The following CDK5RAP2 variants were observed in gnomAD, a reference collection of about 807,000 sequenced individuals.
CDK5RAP2 encodes the protein CDK5 regulatory subunit associated protein 2, also known as CDK5 regulatory subunit-associated protein 2.
CDK5RAP2 carries 147 observed loss-of-function variants against 232.9 expected under a neutral mutation model. That is an observed-to-expected ratio of 0.63 (90% CI 0.55 to 0.72). The LOEUF (loss-of-function observed/expected upper bound fraction) is 0.72. Among genes scored for constraint, CDK5RAP2 ranks in the 30% least tolerant of loss-of-function variants. The probability of loss-of-function intolerance (pLI) is 0.00; values close to 1 mark genes in which losing one functional copy is unlikely to be tolerated. For synonymous variants in CDK5RAP2, 833 were observed against 833.7 expected, an observed-to-expected ratio of 1.00 and a Z score of 0.01; for missense variants, 2,195 against 2,231.5, an observed-to-expected ratio of 0.98 and a Z score of 0.33.
rs373806149 is a variant in CDK5RAP2 at position 120,452,238 on chromosome 9, G to GTCTCTCTCTCTCTCTC, written c.2793+1202_2793+1217dup. On this transcript the variant is annotated intron_variant, in intron 21 of 37. Transcript: ENST00000349780. ...TTCTAGTACCGTTAATATAATGGCA[G>GTCTCTCTCTCTCTCTC]TCTCTCTCTCTCTCTCTCTCTCTCT... is the stretch of plus-strand genomic sequence containing the variant. Among the ~76,000 whole-genome samples the GTCTCTCTCTCTCTCTC allele has an allele frequency of 2.7e-3, 382 of 142,922 alleles. 3 individuals carry two copies. Among genetic ancestry groups the GTCTCTCTCTCTCTCTC allele is most frequent in the African/African-American group, 9.4e-3 (363 of 38,696 alleles). 93.8% of individuals were successfully genotyped at this position (142,922 alleles called of 152,430 possible).
intron 2 of CDK5RAP2, 52 bp from the exon 3 acceptor site, chr9:120,568,440 G>T: frequency 7.9e-7 from 1 of 1,261,738 alleles, no homozygotes; most frequent in Non-Finnish European, 1.2e-6. Context: ...ACTGCCCAGT[G>T]TTCCTATTGG....
intron 18 of CDK5RAP2, 56 bp from the exon 19 acceptor site, chr9:120,460,723 A>G (rs540513759): frequency 2.5e-5 from 40 of 1,611,538 alleles, no homozygotes; most frequent in Non-Finnish European, 3.2e-5. Flanking sequence ...TGCAGCATGA[A>G]TATGTATGAA....
chr9:120,450,577 G>A (rs2036430889), intron 21 of CDK5RAP2, among the ~76,000 whole-genome samples: 1 of 151,970 alleles, frequency 6.6e-6, no homozygotes, highest in African/African-American at 2.4e-5. Context: ...GAACCCAAGA[G>A]GAAAACAGAA....
chr9:120,543,232 T>C (rs1176992425), intron 5 of CDK5RAP2, among the ~76,000 whole-genome samples: 2 of 152,194 alleles, frequency 1.3e-5, no homozygotes, highest in East Asian at 3.8e-4. Flanking sequence ...CCTCAACCAC[T>C]GGACTAGCTT....
chr9:120,530,920 T>C (rs1174949778), intron 7 of CDK5RAP2, among the ~76,000 whole-genome samples: 2 of 149,978 alleles, frequency 1.3e-5, no homozygotes, highest in East Asian at 4.0e-4. Context: ...GACAAGTTAA[T>C]GGGTGCAGCA....
chr9:120,482,951 T>C (rs1379501340), intron 14 of CDK5RAP2, among the ~76,000 whole-genome samples: 1 of 152,120 alleles, frequency 6.6e-6, no homozygotes, highest in Non-Finnish European at 1.5e-5. Flanking sequence ...TAGAATGAAG[T>C]CATTTGGCTC....
chr9:120,501,221 C>G (rs2039560264), intron 12 of CDK5RAP2, among the ~76,000 whole-genome samples: 2 of 152,188 alleles, frequency 1.3e-5, no homozygotes, highest in South Asian at 4.1e-4. Context: ...CACACCAGGT[C>G]AGAGCCCTTA....
intron 4 of CDK5RAP2, among the ~76,000 whole-genome samples, chr9:120,546,499 C>T (rs1445921859): frequency 6.6e-6 from 1 of 152,208 alleles, no homozygotes; most frequent in Non-Finnish European, 1.5e-5. Context: ...ACTTCTCAAA[C>T]TTATCTACAA....
At chr9:120,399,781 T>C (rs986595243) in intron 35 of CDK5RAP2, among the ~76,000 whole-genome samples, 2 of 152,182 alleles carry the variant, frequency 1.3e-5, no homozygotes, top group Non-Finnish European at 2.9e-5. Flanking sequence ...AAAAAAGATT[T>C]TTCTATGGAA....
intron 12 of CDK5RAP2, among the ~76,000 whole-genome samples, chr9:120,507,030 G>T (rs539866807): frequency 2.6e-5 from 4 of 152,224 alleles, no homozygotes; most frequent in African/African-American, 7.2e-5. Flanking sequence ...GTTAATCAAC[G>T]TGGCAAACTT....
At chr9:120,404,418 C>G (rs180971748) in intron 32 of CDK5RAP2, among the ~76,000 whole-genome samples, 2 of 152,222 alleles carry the variant, frequency 1.3e-5, no homozygotes, top group Non-Finnish European at 2.9e-5. Context: ...GTGAGGGGCA[C>G]TACCCCCAAC....
chr9:120,491,365 T>C lies in CDK5RAP2; in HGVS notation c.1424A>G (p.Gln475Arg). The C allele has an allele frequency of 6.2e-7, 1 of 1,613,550 alleles. No individual in the cohort carries two copies. Among genetic ancestry groups the C allele is most frequent in the Non-Finnish European group, 8.5e-7 (1 of 1,179,630 alleles). The change falls in exon 13 of 38, where the codon CAA (glutamine) becomes CGA (arginine). Residue 475 changes from glutamine to arginine, a missense_variant. Coordinates refer to ENST00000349780, the MANE Select transcript of CDK5RAP2 (RefSeq NM_018249.6). ...TGTTAGATGTTTGATCACTTGCTCT[T>C]GATTGTGCAATTTTTTATTGCTTTC... Reference protein sequence around the residue: ...LSESNKKLHNQEQVIKHLTES... With the variant: ...LSESNKKLHNREQVIKHLTES...
intron 28 of CDK5RAP2, among the ~76,000 whole-genome samples, chr9:120,412,052 T>C (rs1371808439): frequency 6.6e-6 from 1 of 152,214 alleles, no homozygotes; most frequent in African/African-American, 2.4e-5. Context: ...GTTCAGGCCT[T>C]ATCACTTTAC....
chr9:120,473,535 CA>C (rs2037838042), intron 15 of CDK5RAP2, among the ~76,000 whole-genome samples: 1 of 152,224 alleles, frequency 6.6e-6, no homozygotes, highest in African/African-American at 2.4e-5. Flanking sequence ...AATCAACACA[CA>C]TTGGAAGGAA....
chr9:120,570,545 T>C (rs994899551), intron 2 of CDK5RAP2, among the ~76,000 whole-genome samples: 5 of 152,024 alleles, frequency 3.3e-5, no homozygotes, highest in African/African-American at 1.2e-4. Context: ...TCGGCTAAAT[T>C]AAGAAATAGG....
chr9:120,494,714 T>C (rs1284055061), intron 12 of CDK5RAP2, among the ~76,000 whole-genome samples: 2 of 151,522 alleles, frequency 1.3e-5, no homozygotes, highest in Non-Finnish European at 2.9e-5. Context: ...AAATAACAAC[T>C]AGGTAAACAC....
At chr9:120,571,548 G>C (rs2042856199) in intron 2 of CDK5RAP2, among the ~76,000 whole-genome samples, 1 of 152,226 alleles carries the variant, frequency 6.6e-6, no homozygotes, top group Non-Finnish European at 1.5e-5. Context: ...CCAAAGGGCA[G>C]GCCCGTGTAG....
At chr9:120,396,079 G>A (rs1276145687) in intron 35 of CDK5RAP2, among the ~76,000 whole-genome samples, 2 of 152,220 alleles carry the variant, frequency 1.3e-5, no homozygotes, top group Non-Finnish European at 2.9e-5. Flanking sequence ...TCAAAAGAAT[G>A]GCAAATGAAT....
At chr9:120,549,880 A>T (rs2041987731) in intron 4 of CDK5RAP2, among the ~76,000 whole-genome samples, 1 of 152,220 alleles carries the variant, frequency 6.6e-6, no homozygotes, top group Admixed American at 6.5e-5. Flanking sequence ...AGGGACAAAG[A>T]AGCTTTCCAA....
Sources: gnomAD v4.1 joint callset for allele counts (sites outside exome capture counted in the v4.1 genomes callset) on GRCh38, gnomAD v4.1.1 for gene constraint, MANE v1.5 for transcripts, NCBI Gene and HGNC (gene_info 2026-07-23, HGNC 2026-07-21) for gene names.